Variants in DLG2 observed in about 807,000 individuals in gnomAD.
The protein encoded by DLG2 is discs large MAGUK scaffold protein 2.
DLG2 carries 45 observed loss-of-function variants against 132.5 expected under a neutral mutation model. The ratio of observed to expected loss-of-function variants is 0.34; its 90% confidence interval spans 0.27 to 0.44. DLG2 has a LOEUF of 0.44. DLG2 is among the 20% of genes least tolerant of loss of function. The pLI is 1.00. For synonymous variants in DLG2, 424 were observed against 419.6 expected (o/e 1.01, Z -0.13); for missense variants, 1,045 against 1,196.9 (o/e 0.87, Z 1.87).
intron 11 of DLG2, among the ~76,000 whole-genome samples, chr11:84,054,764 T>C (rs538191650): frequency 2.0e-5 from 3 of 152,138 alleles, no homozygotes; most frequent in African/African-American, 7.2e-5. Context: ...TAAATTTAAT[T>C]TGCCACAAAT....
intron 6 of DLG2, among the ~76,000 whole-genome samples, chr11:85,045,375 G>A (rs1313729181): frequency 6.6e-6 from 1 of 152,000 alleles, no homozygotes; most frequent in Non-Finnish European, 1.5e-5. Context: ...TCAAAGCCTA[G>A]GCAGAGAAGA....
intron 6 of DLG2, among the ~76,000 whole-genome samples, chr11:85,001,467 T>C (rs2058206834): frequency 6.6e-6 from 1 of 152,172 alleles, no homozygotes. Context: ...CAGACCATGC[T>C]ATGGAGCTTA....
chr11:83,479,414 A>G (rs942720261), intron 22 of DLG2, among the ~76,000 whole-genome samples: 1 of 152,118 alleles, frequency 6.6e-6, no homozygotes, highest in Non-Finnish European at 1.5e-5. Context: ...TTTTCAATTA[A>G]TACAATACTC....
intron 6 of DLG2, among the ~76,000 whole-genome samples, chr11:84,589,524 T>TA (rs1173472512): frequency 6.6e-6 from 1 of 152,088 alleles, no homozygotes; most frequent in Non-Finnish European, 1.5e-5. Flanking sequence ...AAATCCCTTA[T>TA]AACTAGAAGT....
At chr11:84,782,438 C>CCACA (rs10599798) in intron 6 of DLG2, among the ~76,000 whole-genome samples, 138 of 148,042 alleles carry the variant, frequency 9.3e-4, no homozygotes, top group Non-Finnish European at 1.4e-3. Context: ...ACTACCCCTA[C>CCACA]CACACACACA....
chr11:85,481,802 C>A (rs1055463547), intron 3 of DLG2, among the ~76,000 whole-genome samples: 5 of 152,060 alleles, frequency 3.3e-5, no homozygotes, highest in Admixed American at 6.6e-5. Context: ...ACCTATGGAC[C>A]CAGCCCCCAG....
chr11:84,965,203 T>A (rs1399235890), intron 6 of DLG2, among the ~76,000 whole-genome samples: 1 of 152,116 alleles, frequency 6.6e-6, no homozygotes, highest in Non-Finnish European at 1.5e-5. Flanking sequence ...TAAGCCAAAT[T>A]TTATCCAACA....
chr11:84,670,716 T>C (rs895170791), intron 6 of DLG2, among the ~76,000 whole-genome samples: 17 of 152,258 alleles, frequency 1.1e-4, no homozygotes, highest in Non-Finnish European at 2.1e-4. Flanking sequence ...TGTCACACAA[T>C]GACTGAGTGG....
chr11:84,449,527 G>T (rs1259149496), intron 7 of DLG2, among the ~76,000 whole-genome samples: 1 of 151,440 alleles, frequency 6.6e-6, no homozygotes, highest in African/African-American at 2.4e-5. Context: ...ATTGTTAGTT[G>T]TATTCTATAT....
intron 6 of DLG2, among the ~76,000 whole-genome samples, chr11:84,765,470 A>G (rs1200780134): frequency 1.3e-5 from 2 of 152,024 alleles, no homozygotes; most frequent in Non-Finnish European, 2.9e-5. Context: ...TCAACCAAAC[A>G]CTGCCTTCTC....
intron 19 of DLG2, among the ~76,000 whole-genome samples, chr11:83,565,256 A>T (rs1035858629): frequency 2.0e-5 from 3 of 152,222 alleles, no homozygotes; most frequent in Non-Finnish European, 4.4e-5. Flanking sequence ...AAGGGTGGAT[A>T]TCTGCATCCT....
chr11:84,347,779 T>G (rs2098545638), intron 7 of DLG2, among the ~76,000 whole-genome samples: 1 of 152,150 alleles, frequency 6.6e-6, no homozygotes. Context: ...ATAATGGCAG[T>G]TTACCTCCAA....
intron 15 of DLG2, among the ~76,000 whole-genome samples, chr11:83,902,685 T>C (rs1038412198): frequency 3.3e-5 from 5 of 152,082 alleles, no homozygotes; most frequent in Non-Finnish European, 5.9e-5. Flanking sequence ...CTAAAACTAA[T>C]AGGTATTAGG....
At chr11:84,654,561 G>A (rs2099685926) in intron 6 of DLG2, among the ~76,000 whole-genome samples, 1 of 152,072 alleles carries the variant, frequency 6.6e-6, no homozygotes, top group African/African-American at 2.4e-5. Flanking sequence ...CTTGCCTATA[G>A]TCACCATTTA....
At chr11:84,085,581 C>T (rs1248360522) in intron 10 of DLG2, among the ~76,000 whole-genome samples, 1 of 152,132 alleles carries the variant, frequency 6.6e-6, no homozygotes, top group African/African-American at 2.4e-5. Flanking sequence ...GGAAAATTCC[C>T]CAAGATCCTG....
chr11:85,013,723 G>A (rs954654237), intron 6 of DLG2, among the ~76,000 whole-genome samples: 4 of 152,128 alleles, frequency 2.6e-5, no homozygotes, highest in African/African-American at 9.7e-5. Flanking sequence ...AAGTTACTAA[G>A]TATATTCTTT....
intron 26 of DLG2, among the ~76,000 whole-genome samples, chr11:83,465,722 C>A (rs1428382542): frequency 6.6e-6 from 1 of 152,038 alleles, no homozygotes; most frequent in African/African-American, 2.4e-5. Context: ...TACTAAATTC[C>A]TAATCTTGTT....
intron 3 of DLG2, among the ~76,000 whole-genome samples, chr11:85,491,865 A>G (rs1438278702): frequency 2.6e-5 from 4 of 152,126 alleles, no homozygotes; most frequent in African/African-American, 4.8e-5. Context: ...TCAAAATTTT[A>G]ATGACATTTT....
At chr11:84,234,040 G>T (rs2097128145) in intron 8 of DLG2, among the ~76,000 whole-genome samples, 1 of 152,134 alleles carries the variant, frequency 6.6e-6, no homozygotes, top group African/African-American at 2.4e-5. Flanking sequence ...ACTGGCATAG[G>T]ACCTTCTAGG....
Sources: allele counts gnomAD v4.1 joint callset (sites outside exome capture counted in the v4.1 genomes callset), GRCh38; gene constraint gnomAD v4.1.1; transcripts MANE v1.5; gene names NCBI Gene and HGNC (gene_info 2026-07-23, HGNC 2026-07-21).